CDH6: variants seen among roughly 807,000 people sequenced by gnomAD.
CDH6 encodes cadherin 6, also known as cadherin-6.
CDH6 carries 31 observed loss-of-function variants against 78.0 expected under a neutral mutation model. The ratio of observed to expected loss-of-function variants is 0.40; its 90% confidence interval spans 0.30 to 0.54. The LOEUF is 0.54. Among genes scored for constraint, CDH6 ranks in the 20% least tolerant of loss-of-function variants. The pLI, the probability that CDH6 is intolerant of heterozygous loss-of-function variation, is 0.56. For synonymous variants in CDH6, 376 were observed against 368.8 expected (o/e 1.02, Z -0.23); for missense variants, 724 against 975.9 (o/e 0.74, Z 3.44).
chr5:31,258,881 G>C (rs1000158371), intron 1 of CDH6, among the ~76,000 whole-genome samples: 1 of 152,192 alleles, frequency 6.6e-6, no homozygotes, highest in Non-Finnish European at 1.5e-5. Flanking sequence ...CAGCAGCCTG[G>C]CACACACCCC....
intron 5 of CDH6, among the ~76,000 whole-genome samples, chr5:31,300,207 C>T (rs1195176769): frequency 6.6e-6 from 1 of 152,112 alleles, no homozygotes. Flanking sequence ...GAAAAACAAC[C>T]TCCATGAATA....
At chr5:31,278,334 C>G (rs1482480807) in intron 2 of CDH6, among the ~76,000 whole-genome samples, 1 of 152,132 alleles carries the variant, frequency 6.6e-6, no homozygotes, top group African/African-American at 2.4e-5. Context: ...GAAGAAAACT[C>G]AAGCTTCCTT....
chr5:31,298,823 AG>A (rs1737676985), intron 4 of CDH6, among the ~76,000 whole-genome samples: 1 of 152,216 alleles, frequency 6.6e-6, no homozygotes, highest in South Asian at 2.1e-4. Flanking sequence ...GGTCAGCTTT[AG>A]GAATTCTAAA....
At chr5:31,307,359 C>T (rs943267774) in intron 7 of CDH6, among the ~76,000 whole-genome samples, 1 of 152,134 alleles carries the variant, frequency 6.6e-6, no homozygotes, top group Non-Finnish European at 1.5e-5. Context: ...TCAAATGAAA[C>T]CTTATGACAA....
chr5:31,308,054 T>G (rs1341260427), intron 7 of CDH6, among the ~76,000 whole-genome samples: 2 of 152,148 alleles, frequency 1.3e-5, no homozygotes, highest in Non-Finnish European at 2.9e-5. Flanking sequence ...TTTTATAGGA[T>G]AAAATTCATT....
chr5:31,196,654 T>C (rs2111759970), intron 1 of CDH6, among the ~76,000 whole-genome samples: 1 of 152,332 alleles, frequency 6.6e-6, no homozygotes, highest in Non-Finnish European at 1.5e-5. Context: ...GTTAGTATTC[T>C]CTAAGCACTA....
intron 1 of CDH6, among the ~76,000 whole-genome samples, chr5:31,244,036 G>T (rs538348859): frequency 1.3e-5 from 2 of 152,146 alleles, no homozygotes; most frequent in Non-Finnish European, 2.9e-5. Flanking sequence ...CTCCAAAAGC[G>T]CTGGATTACC....
chr5:31,311,714 G>A (rs1738161532), intron 7 of CDH6, among the ~76,000 whole-genome samples: 1 of 152,158 alleles, frequency 6.6e-6, no homozygotes, highest in Non-Finnish European at 1.5e-5. Context: ...AAATGTAAAG[G>A]GGAAGCACTA....
intron 2 of CDH6, among the ~76,000 whole-genome samples, chr5:31,282,378 C>T (rs1238796448): frequency 1.3e-5 from 2 of 152,060 alleles, no homozygotes; most frequent in Non-Finnish European, 2.9e-5. Context: ...AGCATAGAGA[C>T]TTCAAATTCT....
At chr5:31,297,883 C>T (rs1737656353) in intron 4 of CDH6, among the ~76,000 whole-genome samples, 1 of 152,166 alleles carries the variant, frequency 6.6e-6, no homozygotes, top group African/African-American at 2.4e-5. Flanking sequence ...ACATTGCTGT[C>T]CCTTGCCACA....
chr5:31,273,734 GA>G (rs34127716), intron 2 of CDH6, among the ~76,000 whole-genome samples: 51,643 of 151,942 alleles, frequency 0.34, 10,047 homozygotes, highest in Non-Finnish European at 0.42. Context: ...CAAAGGTAGA[GA>G]AAAAAAAATT....
Position 31,323,368 on chromosome 5 carries a change from A to C in CDH6, c.*60A>C, listed in dbSNP as rs1738527558. 2 of 1,540,174 alleles carry C rather than the reference A, an allele frequency of 1.3e-6. No individual in the cohort carries two copies. Among genetic ancestry groups the C allele is most frequent in the African/African-American group, 2.8e-5 (2 of 72,698 alleles). On this transcript the variant is annotated 3_prime_UTR_variant, in exon 12 of 12. Transcript: ENST00000265071. ...AAATATGTGAAGTGGCTATTTCTTT[A>C]TATTTATCCACTACTCCGTGAAGGC...
intron 2 of CDH6, 146 bp downstream of exon 2, chr5:31,267,847 G>A (rs1015754863): frequency 3.2e-6 from 2 of 629,886 alleles, no homozygotes; most frequent in Non-Finnish European, 5.5e-6. Flanking sequence ...TTCCACTTGA[G>A]TAGTTTCGGG....
intron 8 of CDH6, 136 bp from the exon 9 acceptor site, chr5:31,316,072 G>C: frequency 2.3e-6 from 2 of 854,960 alleles, no homozygotes; most frequent in Non-Finnish European, 3.5e-6. Flanking sequence ...GACCACACTG[G>C]TACTTAATGC....
chr5:31,314,230 A>G (rs1180837473), intron 8 of CDH6, among the ~76,000 whole-genome samples: 1 of 151,644 alleles, frequency 6.6e-6, no homozygotes, highest in Non-Finnish European at 1.5e-5. Flanking sequence ...TACCTGTGCC[A>G]TGTTGGTGTG....
At chr5:31,309,542 G>T (rs1738086141) in intron 7 of CDH6, among the ~76,000 whole-genome samples, 1 of 151,870 alleles carries the variant, frequency 6.6e-6, no homozygotes, top group Admixed American at 6.6e-5. Context: ...AGCTGAAATG[G>T]GCAGTTTTTT....
At chr5:31,250,839 A>G (rs1166371546) in intron 1 of CDH6, 1 of 152,908 alleles carries the variant, frequency 6.5e-6, no homozygotes, top group African/African-American at 2.4e-5. Flanking sequence ...GCAACCGCAC[A>G]GCTCTCTGCA....
chr5:31,209,606 A>T (rs1177452194), intron 1 of CDH6, among the ~76,000 whole-genome samples: 1 of 152,204 alleles, frequency 6.6e-6, no homozygotes, highest in Non-Finnish European at 1.5e-5. Context: ...TCTCACTCTG[A>T]TTCTCTAAGT....
chr5:31,236,989 C>A (rs116559086), intron 1 of CDH6, among the ~76,000 whole-genome samples: 2 of 151,976 alleles, frequency 1.3e-5, no homozygotes, highest in Non-Finnish European at 2.9e-5. Flanking sequence ...TAGATTTGTA[C>A]GTTTAAGAAT....
Sources: allele counts gnomAD v4.1 joint callset (sites outside exome capture counted in the v4.1 genomes callset), GRCh38; gene constraint gnomAD v4.1.1; transcripts MANE v1.5; gene names NCBI Gene and HGNC (gene_info 2026-07-23, HGNC 2026-07-21).